Variants in SANBR observed in about 807,000 individuals in gnomAD.
SANBR encodes the protein SANT and BTB domain regulator of class switch recombination.
A neutral mutation model predicts 101.8 loss-of-function variants in SANBR; 77 were observed. The ratio of observed to expected loss-of-function variants is 0.76; its 90% CI spans 0.63 to 0.91. The LOEUF (loss-of-function observed/expected upper bound fraction) is 0.91, where lower values mean the gene tolerates loss of function less well. Ranked by LOEUF, SANBR falls within the 40% of genes least tolerant of loss-of-function variation. The pLI, the probability that SANBR is intolerant of heterozygous loss-of-function variation, is 0.00. For missense variants in SANBR, 875 were observed against 853.0 expected, an observed-to-expected ratio of 1.03 and a Z score of -0.32; for synonymous variants, 279 against 274.7, an observed-to-expected ratio of 1.02 and a Z score of -0.15.
At chr2:61,072,764 G>A (rs1268570864) in intron 4 of SANBR, among the ~76,000 whole-genome samples, 1 of 121,664 alleles carries the variant, frequency 8.2e-6, no homozygotes, top group Non-Finnish European at 1.7e-5. Context: ...GGTTTGCCCT[G>A]TGCCCTTTAC....
intron 17 of SANBR, 122 bp from the exon 18 acceptor site, chr2:61,117,235 T>C (rs1684117038): frequency 2.2e-6 from 2 of 892,290 alleles, no homozygotes; most frequent in South Asian, 2.8e-5. Flanking sequence ...GAAATAGCAC[T>C]TGTAATGCTC....
In SANBR at chr2:61,106,678, T is replaced by TC. The variant is rs754018144; in HGVS notation, c.1611+17dup. 3.6e-6 allele frequency: 5 copies of TC among 1,375,408 alleles called. No homozygotes were observed. The highest frequency in any genetic ancestry group is 2.6e-5 in the South Asian group (2 of 78,250). 85.2% of individuals were successfully genotyped at this position (1,375,408 alleles called of 1,614,324 possible). On this transcript the variant is annotated intron_variant, in intron 14 of 21. Transcript: ENST00000402291. ...GCTCAATGCTGTGAGTAGTTTTTTTTCACTTATTCTTTATTTACATAAATA... is the reference window on the plus strand; with the variant it reads ...GCTCAATGCTGTGAGTAGTTTTTTTTCCACTTATTCTTTATTTACATAAATA...
At chr2:61,135,738 T>A (rs1684821641) in intron 21 of SANBR, among the ~76,000 whole-genome samples, 1 of 152,130 alleles carries the variant, frequency 6.6e-6, no homozygotes, top group East Asian at 1.9e-4. Context: ...ATATCATTTG[T>A]AGAAGGAAAC....
intron 11 of SANBR, among the ~76,000 whole-genome samples, chr2:61,094,684 C>T (rs547628005): frequency 3.2e-5 from 4 of 123,492 alleles, no homozygotes; most frequent in African/African-American, 1.3e-4. Flanking sequence ...ACTCTTGTTG[C>T]CCAACCTGGA....
Position 61,108,894 on chromosome 2 carries a change from C to T in SANBR, c.1645-303C>T, listed in dbSNP as rs538884781. 4.1e-4 allele frequency among the ~76,000 whole-genome samples: 63 copies of T among 152,222 alleles called. No homozygotes were observed. The South Asian group carries it at 1.0e-2, about 24-fold the overall frequency. On this transcript the variant is annotated intron_variant, in intron 15 of 21. Coordinates refer to ENST00000402291, the MANE Select transcript of SANBR (RefSeq NM_001129993.3). ...GGTGGTTACTATATTGTAATTTAAT[C>T]TTAATATCAAGGAATATACATTTAC... is the stretch of plus-strand genomic sequence containing the variant.
chr2:61,117,314 A>T, intron 17 of SANBR, 43 bp from the exon 18 acceptor site: 2 of 1,572,304 alleles, frequency 1.3e-6, no homozygotes, highest in Non-Finnish European at 1.8e-6. Context: ...CTAATCAGTA[A>T]ACATGTTCTA....
chr2:61,116,378 CCT>C (rs1011779592), intron 17 of SANBR, among the ~76,000 whole-genome samples: 2 of 152,008 alleles, frequency 1.3e-5, no homozygotes, highest in Non-Finnish European at 2.9e-5. Context: ...AAATTGGTTG[CCT>C]CTCAGGAAGG....
intron 21 of SANBR, among the ~76,000 whole-genome samples, chr2:61,136,991 CGAT>C (rs1684871453): frequency 6.6e-6 from 1 of 150,510 alleles, no homozygotes; most frequent in Admixed American, 6.6e-5. Flanking sequence ...ACAACAACAA[CGAT>C]AATAATAATA....
chr2:61,098,859 C>G (rs1317529365), intron 12 of SANBR, among the ~76,000 whole-genome samples: 1 of 152,148 alleles, frequency 6.6e-6, no homozygotes, highest in Non-Finnish European at 1.5e-5. Context: ...ATGGAACTTA[C>G]AGCTGAGGCA....
chr2:61,073,528 A>T lies in SANBR; in HGVS notation c.408A>T (p.Gly136=). Residue 136 remains glycine (G), a synonymous_variant, in exon 5 of 22, where the codon GGA becomes GGT. Transcript: ENST00000402291. ...AAAATTGTACTACTCATAATGGTGG[A>T]GAAATGACTGAAGAATCTGAAGGGT... is the stretch of plus-strand genomic sequence containing the variant. ...ESENCTTHNG[G]EMTEESEGPN... is the part of the protein sequence containing the mutation. The T allele has an allele frequency of 1.9e-6, 3 of 1,574,478 alleles. No individual in the cohort carries two copies. The highest frequency in any genetic ancestry group is 2.6e-6 in the Non-Finnish European group (3 of 1,155,914).
At chr2:61,094,805 G>A (rs775217423) in intron 11 of SANBR, among the ~76,000 whole-genome samples, 30 of 151,836 alleles carry the variant, frequency 2.0e-4, no homozygotes, top group African/African-American at 6.5e-4. Flanking sequence ...CACATCACCC[G>A]CCTAATTTTT....
At chr2:61,080,391 G>A (rs1559084729) in intron 6 of SANBR, among the ~76,000 whole-genome samples, 1 of 152,024 alleles carries the variant, frequency 6.6e-6, no homozygotes, top group Non-Finnish European at 1.5e-5. Flanking sequence ...TTCCTGAGGT[G>A]CTTTTTCACC....
intron 13 of SANBR, among the ~76,000 whole-genome samples, chr2:61,104,264 C>T (rs1192856444): frequency 1.3e-5 from 2 of 151,814 alleles, no homozygotes; most frequent in African/African-American, 4.8e-5. Context: ...GGGCGGATCA[C>T]GAGGTCAGGA....
Position 61,103,938 on chromosome 2 carries a change from T to G in SANBR, c.1451T>G (p.Leu484Trp). Residue 484 changes from leucine to tryptophan, a missense_variant, in exon 13 of 22, where the codon TTG becomes TGG. Leu to Trp is a moderately conservative substitution (Grantham distance 61). Transcript: ENST00000402291. ...DLPSCPTARM[L>W]DDLHKYRDVI... ...CCGTCCTGTCCCACTGCTAGAATGTTGGACGATTTGCACAAGTACAGAGAT... is the reference window on the plus strand; with the variant it reads ...CCGTCCTGTCCCACTGCTAGAATGTGGGACGATTTGCACAAGTACAGAGAT... 1.2e-6 allele frequency: 2 copies of G among 1,614,150 alleles called. No individual in the cohort carries two copies. Among genetic ancestry groups the G allele is most frequent in the Non-Finnish European group, 1.7e-6 (2 of 1,179,966 alleles).
intron 16 of SANBR, among the ~76,000 whole-genome samples, chr2:61,115,057 G>C (rs1684009191): frequency 6.6e-6 from 1 of 152,176 alleles, no homozygotes; most frequent in African/African-American, 2.4e-5. Context: ...TCAGAGTCAT[G>C]ATGACATTAG....
At chr2:61,131,225 T>C (rs1329793955) in intron 20 of SANBR, among the ~76,000 whole-genome samples, 1 of 151,974 alleles carries the variant, frequency 6.6e-6, no homozygotes, top group Non-Finnish European at 1.5e-5. Context: ...AAAAATGACA[T>C]AAAATGCATC....
chr2:61,091,795 A>G (rs1326789214), intron 10 of SANBR, among the ~76,000 whole-genome samples: 1 of 152,010 alleles, frequency 6.6e-6, no homozygotes, highest in African/African-American at 2.4e-5. Flanking sequence ...ACAAAAAACA[A>G]ACTTGAGTTG....
downstream of SANBR, chr2:61,124,336 G>A: frequency 1.3e-6 from 1 of 795,706 alleles, no homozygotes; most frequent in Non-Finnish European, 1.5e-6. Flanking sequence ...AAAAAAGTCT[G>A]GAGTAGCTCT....
At chr2:61,118,390 A>G (rs1398566341) in intron 20 of SANBR, among the ~76,000 whole-genome samples, 1 of 151,104 alleles carries the variant, frequency 6.6e-6, no homozygotes, top group Non-Finnish European at 1.5e-5. Context: ...ACAGGCATGC[A>G]CCACCATGCG....
Sources: gnomAD v4.1 joint callset for allele counts (sites outside exome capture counted in the v4.1 genomes callset) on GRCh38, gnomAD v4.1.1 for gene constraint, MANE v1.5 for transcripts, NCBI Gene and HGNC (gene_info 2026-07-23, HGNC 2026-07-21) for gene names.